ARHGEF3: variants seen among roughly 807,000 people sequenced by gnomAD.
The protein encoded by ARHGEF3 is Rho guanine nucleotide exchange factor 3, also known as 59.8 kDA protein.
A neutral mutation model predicts 63.2 loss-of-function variants in ARHGEF3; 28 were observed. That is an observed-to-expected ratio of 0.44 (90% confidence interval 0.33 to 0.61). The LOEUF (loss-of-function observed/expected upper bound fraction) is 0.61. Among genes scored for constraint, ARHGEF3 ranks in the 20% least tolerant of loss-of-function variants. The pLI, the probability that ARHGEF3 is intolerant of heterozygous loss-of-function variation, is 0.03. For missense variants in ARHGEF3, 533 were observed against 659.3 expected (o/e 0.81, Z 2.10); for synonymous variants, 266 against 254.2 (o/e 1.05, Z -0.44).
chr3:56,945,315 G>A (rs926575177), intron 3 of ARHGEF3, among the ~76,000 whole-genome samples: 11 of 152,118 alleles, frequency 7.2e-5, no homozygotes, highest in Non-Finnish European at 1.3e-4. Context: ...GAAGCAGGGT[G>A]AGGCATTGCC....
At chr3:57,073,859 G>C in intron 1 of ARHGEF3, 1 of 1,614,208 alleles carries the variant, frequency 6.2e-7, no homozygotes, top group Non-Finnish European at 8.5e-7. Flanking sequence ...CATCATGCCA[G>C]GGTCCAGGTG....
chr3:57,065,329 T>C lies in ARHGEF3; in HGVS notation c.-28+13897A>G, dbSNP rs148909637. On this transcript the variant is annotated intron_variant, in intron 1 of 12. Transcript: ENST00000338458. The stretch of plus-strand genomic sequence containing the variant: ...ATACAAAATTAGCCGGGTGTGATGG[T>C]GTGCACCTGTAGTCCCAGCTACTAA... Among the ~76,000 whole-genome samples, 448 of 152,158 alleles carry C rather than the reference T, an allele frequency of 2.9e-3. 1 individual carries two copies. The highest frequency in any genetic ancestry group is 0.01 in the African/African-American group (425 of 41,522).
At chr3:56,799,847 G>C (rs1435945167) in intron 1 of ARHGEF3, among the ~76,000 whole-genome samples, 1 of 152,080 alleles carries the variant, frequency 6.6e-6, no homozygotes, top group African/African-American at 2.4e-5. Context: ...ACTTGATTTA[G>C]TGTTTAAATC....
At chr3:56,968,283 A>T (rs1700739057) in intron 2 of ARHGEF3, among the ~76,000 whole-genome samples, 4 of 28,054 alleles carry the variant, frequency 1.4e-4, no homozygotes, top group African/African-American at 3.5e-4. Flanking sequence ...TATAAAATAT[A>T]TATAATATAT....
intron 3 of ARHGEF3, among the ~76,000 whole-genome samples, chr3:56,939,186 A>T (rs189818661): frequency 6.6e-6 from 1 of 152,308 alleles, no homozygotes; most frequent in East Asian, 1.9e-4. Context: ...TCCACGCAAG[A>T]GGCTTCAATT....
intron 4 of ARHGEF3, among the ~76,000 whole-genome samples, chr3:56,869,159 T>C (rs957382606): frequency 1.4e-5 from 2 of 139,548 alleles, no homozygotes; most frequent in Non-Finnish European, 3.2e-5. Context: ...ACGTGAGGAG[T>C]TAAAAAAAAA....
At chr3:56,966,580 G>C (rs143585698) in intron 2 of ARHGEF3, among the ~76,000 whole-genome samples, 1 of 152,172 alleles carries the variant, frequency 6.6e-6, no homozygotes. Context: ...CAGAGTCAGG[G>C]ATTTGGCCAT....
chr3:56,941,706 CACA>C (rs1249403787), intron 3 of ARHGEF3, among the ~76,000 whole-genome samples: 2 of 152,166 alleles, frequency 1.3e-5, no homozygotes, highest in African/African-American at 4.8e-5. Context: ...ATGTAACTAA[CACA>C]ACAACAGTTC....
intron 1 of ARHGEF3, among the ~76,000 whole-genome samples, chr3:56,800,130 C>T (rs1345106427): frequency 1.3e-5 from 2 of 152,168 alleles, no homozygotes; most frequent in Admixed American, 1.3e-4. Flanking sequence ...AAGCCTTTAG[C>T]TAAACTACTC....
intron 1 of ARHGEF3, among the ~76,000 whole-genome samples, chr3:56,782,218 T>G (rs1200102651): frequency 3.3e-5 from 5 of 152,240 alleles, no homozygotes; most frequent in Admixed American, 3.3e-4. Flanking sequence ...TGGTGTCATC[T>G]GTTCCCAGAA....
intron 3 of ARHGEF3, among the ~76,000 whole-genome samples, chr3:56,923,391 T>C (rs1241015172): frequency 6.6e-6 from 1 of 151,856 alleles, no homozygotes; most frequent in East Asian, 1.9e-4. Context: ...GGTGTAACGA[T>C]GGAAACTGGT....
At chr3:56,910,422 C>T (rs1296292955) in intron 3 of ARHGEF3, among the ~76,000 whole-genome samples, 1 of 152,184 alleles carries the variant, frequency 6.6e-6, no homozygotes, top group Admixed American at 6.5e-5. Flanking sequence ...AACTGGACCT[C>T]AGATGCTCAG....
chr3:56,965,207 A>G (rs1325031980), intron 2 of ARHGEF3, among the ~76,000 whole-genome samples: 3 of 152,210 alleles, frequency 2.0e-5, no homozygotes, highest in African/African-American at 7.2e-5. Flanking sequence ...GTCAGGGATG[A>G]TAATGTCACT....
rs548788294 is a variant in ARHGEF3 at position 56,881,945 on chromosome 3, CT to C, written c.192+346del. Among the ~76,000 whole-genome samples the C allele has an allele frequency of 7.1e-4, 108 of 152,366 alleles. No homozygotes were observed. In the East Asian group the frequency reaches 0.019, roughly 27 times the overall value. Reference sequence around the variant, plus strand: ...TGCCTGAGCTGGGCCAAGCCACTAACTTTCCCCCAAAGGGGGACAAACATCT... The same window carrying C: ...TGCCTGAGCTGGGCCAAGCCACTAACTTCCCCCAAAGGGGGACAAACATCT... On this transcript the variant is annotated intron_variant, in intron 4 of 12. Coordinates refer to the ARHGEF3 transcript ENST00000338458.
chr3:56,854,052 G>A (rs1468641700), intron 4 of ARHGEF3, among the ~76,000 whole-genome samples: 4 of 152,116 alleles, frequency 2.6e-5, no homozygotes, highest in East Asian at 1.9e-4. Context: ...AAATCTAGCC[G>A]GGTGTGGTGG....
intron 2 of ARHGEF3, among the ~76,000 whole-genome samples, chr3:56,981,898 G>C (rs1455119360): frequency 6.6e-6 from 1 of 152,176 alleles, no homozygotes; most frequent in African/African-American, 2.4e-5. Context: ...TTTTCTGTTG[G>C]GGGATGCCCT....
intron 4 of ARHGEF3, among the ~76,000 whole-genome samples, chr3:56,863,661 C>T (rs1396714982): frequency 6.6e-6 from 1 of 151,870 alleles, no homozygotes; most frequent in Non-Finnish European, 1.5e-5. Context: ...TCTTGAACTC[C>T]TGGCCTCAAG....
At chr3:56,951,140 G>A (rs936973053) in intron 3 of ARHGEF3, among the ~76,000 whole-genome samples, 8 of 151,808 alleles carry the variant, frequency 5.3e-5, no homozygotes, top group Non-Finnish European at 5.9e-5. Flanking sequence ...GCGGTGGGGG[G>A]AGGGGGGATG....
chr3:56,944,870 C>T (rs1699397968), intron 3 of ARHGEF3, among the ~76,000 whole-genome samples: 1 of 152,100 alleles, frequency 6.6e-6, no homozygotes, highest in Non-Finnish European at 1.5e-5. Flanking sequence ...TGAGCCACCG[C>T]ACTCAGCCAA....
Sources: gnomAD v4.1 joint callset for allele counts (sites outside exome capture counted in the v4.1 genomes callset) on GRCh38, gnomAD v4.1.1 for gene constraint, MANE v1.5 for transcripts, NCBI Gene and HGNC (gene_info 2026-07-23, HGNC 2026-07-21) for gene names.